The following RBFOX1 variants were observed in gnomAD, a reference collection of about 807,000 sequenced individuals.
RBFOX1 encodes RNA binding protein fox-1 homolog 1.
Under a neutral mutation model 57.7 loss-of-function variants are expected in RBFOX1, and 8 were observed. The ratio of observed to expected loss-of-function variants is 0.14; its 90% CI spans 0.08 to 0.25. RBFOX1 has a LOEUF of 0.25. Among genes scored for constraint, RBFOX1 ranks in the 10% least tolerant of loss-of-function variants. The pLI, the probability that RBFOX1 is intolerant of heterozygous loss-of-function variation, is 1.00. For missense variants in RBFOX1, 611 were observed against 548.5 expected (o/e 1.11, Z -1.14); for synonymous variants, 326 against 222.4 (o/e 1.47, Z -4.15).
intron 1 of RBFOX1, among the ~76,000 whole-genome samples, chr16:5,395,250 G>T (rs1334585871): frequency 6.6e-6 from 1 of 152,164 alleles, no homozygotes; most frequent in African/African-American, 2.4e-5. Context: ...TTCCTTGAAG[G>T]CCAGGCACAA....
At chr16:6,293,456 TATG>T (rs77163507) in intron 1 of RBFOX1, among the ~76,000 whole-genome samples, 119,046 of 151,732 alleles carry the variant, frequency 0.78, 46,959 homozygotes, top group East Asian at 0.99. Context: ...TGTTATTCAT[TATG>T]ATGAGATGAA....
At chr16:7,528,537 G>A (rs1759106948) in intron 5 of RBFOX1, among the ~76,000 whole-genome samples, 1 of 152,068 alleles carries the variant, frequency 6.6e-6, no homozygotes, top group African/African-American at 2.4e-5. Context: ...GAGTGCTATG[G>A]CACCATCTTA....
chr16:5,508,051 C>T (rs577453658), intron 2 of RBFOX1, among the ~76,000 whole-genome samples: 3 of 152,204 alleles, frequency 2.0e-5, no homozygotes, highest in African/African-American at 7.2e-5. Flanking sequence ...AGAAGGGAAA[C>T]CCCCATGGAC....
chr16:6,813,766 G>C (rs139976695), intron 3 of RBFOX1, among the ~76,000 whole-genome samples: 79 of 152,284 alleles, frequency 5.2e-4, no homozygotes, highest in Non-Finnish European at 1.0e-3. Context: ...GCATGCCAAT[G>C]GCAGCAGGCA....
At chr16:6,913,379 G>T (rs964793481) in intron 3 of RBFOX1, among the ~76,000 whole-genome samples, 1 of 152,068 alleles carries the variant, frequency 6.6e-6, no homozygotes, top group Non-Finnish European at 1.5e-5. Flanking sequence ...CTCAGGCCAA[G>T]AGCAGCTGCT....
intron 3 of RBFOX1, among the ~76,000 whole-genome samples, chr16:7,000,586 C>CTTTTTTTTTTTTTTTTTTTTT (rs149516490): frequency 8.3e-5 from 8 of 95,840 alleles, no homozygotes; most frequent in African/African-American, 2.7e-4. Context: ...TTTTTTCTTT[C>CTTTTTTTTTTTTTTTTTTTTT]TTTTTCTTTC....
Position 7,429,592 on chromosome 16 carries a change from A to C in RBFOX1, c.28-88555A>C, listed in dbSNP as rs546274949. On this transcript the variant is annotated intron_variant, in intron 4 of 15. Coordinates refer to ENST00000550418, the MANE Select transcript of RBFOX1 (RefSeq NM_018723.4). ...CATACACCCAGAGCCTAGAATCTAGAGGAGGTGAGCAGAAAATAGTCGTCA... is the reference window on the plus strand; with the variant it reads ...CATACACCCAGAGCCTAGAATCTAGCGGAGGTGAGCAGAAAATAGTCGTCA... 2.0e-5 allele frequency among the ~76,000 whole-genome samples: 3 copies of C among 152,342 alleles called. No individual in the cohort carries two copies. The East Asian group carries it at 5.8e-4, about 29-fold the overall frequency.
chr16:6,668,805 A>T (rs1216925040), intron 3 of RBFOX1, among the ~76,000 whole-genome samples: 4 of 45,300 alleles, frequency 8.8e-5, no homozygotes. Context: ...TATTTTACTT[A>T]AAAGAAGCAA....
At chr16:6,607,561 T>C (rs1007084857) in intron 2 of RBFOX1, among the ~76,000 whole-genome samples, 1 of 146,304 alleles carries the variant, frequency 6.8e-6, no homozygotes. Flanking sequence ...CTTTCCCTCT[T>C]CCTCCTCTCT....
At chr16:6,947,147 T>G (rs1453536538) in intron 3 of RBFOX1, among the ~76,000 whole-genome samples, 1 of 152,164 alleles carries the variant, frequency 6.6e-6, no homozygotes, top group African/African-American at 2.4e-5. Context: ...CTGGCCCATG[T>G]TCAAGGTCCA....
chr16:7,218,442 A>G (rs1195448561), intron 4 of RBFOX1, among the ~76,000 whole-genome samples: 1 of 152,190 alleles, frequency 6.6e-6, no homozygotes, highest in African/African-American at 2.4e-5. Flanking sequence ...TTAAAGCCAT[A>G]TTCGATCCCA....
At chr16:7,490,550 A>G (rs369706271) in intron 4 of RBFOX1, among the ~76,000 whole-genome samples, 5 of 152,364 alleles carry the variant, frequency 3.3e-5, no homozygotes, top group Middle Eastern at 3.4e-3. Context: ...TCATCTATCA[A>G]TGGAAAAGAA....
At position 5,997,176 on chromosome 16, in the gene RBFOX1, C is replaced by A. The variant is rs571802034; in HGVS notation, c.351+129841C>A. Among the ~76,000 whole-genome samples, 402 of 151,660 alleles carry A rather than the reference C, an allele frequency of 2.7e-3. 2 individuals carry two copies. The highest frequency in any genetic ancestry group is 9.4e-3 in the African/African-American group (384 of 40,996). ...GCACCTCCGTCTCTGCTGGTGCTCT[C>A]CATTGTCCAAACCTACCAGGAAGCC... On this transcript the variant is annotated intron_variant, in intron 4 of 19. Transcript: ENST00000641259.
chr16:6,128,207 G>A (rs957865615), intron 1 of RBFOX1, among the ~76,000 whole-genome samples: 2 of 151,834 alleles, frequency 1.3e-5, no homozygotes, highest in Non-Finnish European at 1.5e-5. Flanking sequence ...GATATATTGG[G>A]TTAAATTCAA....
intron 3 of RBFOX1, among the ~76,000 whole-genome samples, chr16:5,748,796 C>T (rs1417996164): frequency 6.6e-6 from 1 of 152,172 alleles, no homozygotes; most frequent in Non-Finnish European, 1.5e-5. Flanking sequence ...CTGAATACAG[C>T]ACACTGATGG....
At chr16:6,665,901 C>G (rs1047777853) in intron 3 of RBFOX1, among the ~76,000 whole-genome samples, 3 of 152,020 alleles carry the variant, frequency 2.0e-5, no homozygotes, top group East Asian at 1.9e-4. Flanking sequence ...CCACCCAAAT[C>G]TCATCTTGAA....
At chr16:5,549,484 A>C (rs2045369079) in intron 2 of RBFOX1, among the ~76,000 whole-genome samples, 1 of 152,226 alleles carries the variant, frequency 6.6e-6, no homozygotes, top group African/African-American at 2.4e-5. Flanking sequence ...GAGGGAAATG[A>C]CATAGCGAGT....
intron 1 of RBFOX1, among the ~76,000 whole-genome samples, chr16:6,231,831 G>GTTTTTTT (rs34438828): frequency 2.3e-3 from 287 of 123,506 alleles, no homozygotes; most frequent in African/African-American, 3.3e-3. Context: ...TAGCTTTCCA[G>GTTTTTTT]TTTTTTTTTT....
intron 1 of RBFOX1, among the ~76,000 whole-genome samples, chr16:6,072,417 G>A (rs1407707285): frequency 1.3e-5 from 2 of 152,158 alleles, no homozygotes; most frequent in African/African-American, 4.8e-5. Context: ...AAACATAGGA[G>A]TGCAGATATT....
Sources: allele counts gnomAD v4.1 joint callset (sites outside exome capture counted in the v4.1 genomes callset), GRCh38; gene constraint gnomAD v4.1.1; transcripts MANE v1.5; gene names NCBI Gene and HGNC (gene_info 2026-07-23, HGNC 2026-07-21).